Variants in FRY observed in about 807,000 individuals in gnomAD.
FRY encodes protein furry homolog.
In FRY, 128 loss-of-function variants were observed where a neutral mutation model predicts 348.4. The observed-to-expected ratio is 0.37, with a 90% CI of 0.32 to 0.43. FRY has a LOEUF of 0.43. FRY is among the 20% of genes least tolerant of loss of function. The probability of loss-of-function intolerance (pLI) is 1.00; values close to 1 mark genes in which losing one functional copy is unlikely to be tolerated. For missense variants in FRY, 2,736 were observed against 3,695.2 expected, an observed-to-expected ratio of 0.74 and a Z score of 6.73; for synonymous variants, 1,370 against 1,374.7, an observed-to-expected ratio of 1.00 and a Z score of 0.08.
chr13:32,102,328 C>T (rs565480589), intron 3 of FRY, among the ~76,000 whole-genome samples: 5 of 152,266 alleles, frequency 3.3e-5, no homozygotes, highest in South Asian at 4.1e-4. Flanking sequence ...AAATTCCATT[C>T]GTTTAAAAAC....
chr13:32,185,438 A>G (rs1418447000), intron 26 of FRY, among the ~76,000 whole-genome samples: 1 of 152,220 alleles, frequency 6.6e-6, no homozygotes, highest in East Asian at 1.9e-4. Flanking sequence ...GGAAGGAAGT[A>G]ATTCAGAAGG....
At chr13:32,112,705 T>C (rs992481333) in intron 3 of FRY, among the ~76,000 whole-genome samples, 1 of 152,256 alleles carries the variant, frequency 6.6e-6, no homozygotes, top group African/African-American at 2.4e-5. Flanking sequence ...TTTTGTGTAC[T>C]TGTGTACTTA....
intron 28 of FRY, among the ~76,000 whole-genome samples, chr13:32,191,677 T>C (rs1012947369): frequency 1.3e-5 from 2 of 152,194 alleles, no homozygotes; most frequent in Non-Finnish European, 2.9e-5. Flanking sequence ...CAGATTTATG[T>C]CTGGTGAGGG....
chr13:32,200,552 A>G (rs1382928279), intron 29 of FRY, among the ~76,000 whole-genome samples: 1 of 152,168 alleles, frequency 6.6e-6, no homozygotes, highest in Non-Finnish European at 1.5e-5. Flanking sequence ...ATGCCACTGC[A>G]CTCCAGCCTG....
At chr13:32,198,519 G>A (rs1197391394) in intron 29 of FRY, among the ~76,000 whole-genome samples, 1 of 152,206 alleles carries the variant, frequency 6.6e-6, no homozygotes, top group East Asian at 1.9e-4. Context: ...GTAGGTAAGA[G>A]CTTGAATTCT....
At chr13:32,175,722 G>A (rs1293290426) in intron 20 of FRY, 90 bp downstream of exon 20, 1 of 802,762 alleles carries the variant, frequency 1.2e-6, no homozygotes, top group Non-Finnish European at 2.2e-6. Flanking sequence ...AATAATTTGG[G>A]TGTTTATGTC....
chr13:32,043,639 T>G (rs1014977193), intron 1 of FRY, among the ~76,000 whole-genome samples: 1 of 152,128 alleles, frequency 6.6e-6, no homozygotes, highest in Non-Finnish European at 1.5e-5. Flanking sequence ...TTGATGAACC[T>G]CTAGTGGGAG....
chr13:32,240,318 A>G (rs1056009344), intron 46 of FRY, among the ~76,000 whole-genome samples: 1 of 152,202 alleles, frequency 6.6e-6, no homozygotes, highest in Non-Finnish European at 1.5e-5. Context: ...CCTTCTGTTT[A>G]TTATGGTAAC....
intron 1 of FRY, among the ~76,000 whole-genome samples, chr13:32,035,281 G>A (rs1872453126): frequency 6.6e-6 from 1 of 151,974 alleles, no homozygotes; most frequent in Admixed American, 6.5e-5. Context: ...AAAATTAGTT[G>A]GTTATTTTGG....
rs2072072578 is a variant in FRY at position 32,296,975 on chromosome 13, A to G, written c.*1515A>G. ...AAGTTAATTCTATAGTGAGCAGGAA[A>G]AAGTAGTAGAGTTGTAATTCTGTCA... On this transcript the variant is annotated 3_prime_UTR_variant, in exon 61 of 61. Transcript: ENST00000542859. 6.6e-6 allele frequency: 1 copy of G among 152,266 alleles called. No homozygotes were observed. The highest frequency in any genetic ancestry group is 2.1e-4 in the South Asian group (1 of 4,832). 9.4% of individuals were successfully genotyped at this position (152,266 alleles called of 1,614,324 possible). A position where few individuals can be genotyped will look rare whatever the true frequency, so the allele number is the denominator to read the frequency against.
intron 27 of FRY, among the ~76,000 whole-genome samples, 157 bp from the exon 28 acceptor site, chr13:32,187,389 A>C (rs952485199): frequency 6.6e-6 from 1 of 152,208 alleles, no homozygotes; most frequent in Non-Finnish European, 1.5e-5. Context: ...TTTTTATTAA[A>C]GCTACTAAAG....
chr13:32,161,748 G>C (rs1881455633), intron 17 of FRY, among the ~76,000 whole-genome samples: 1 of 152,200 alleles, frequency 6.6e-6, no homozygotes, highest in Non-Finnish European at 1.5e-5. Flanking sequence ...ATGGGGACAA[G>C]AATGCAGGTC....
At chr13:32,234,044 G>C (rs1397364657) in intron 41 of FRY, among the ~76,000 whole-genome samples, 2 of 148,734 alleles carry the variant, frequency 1.3e-5, no homozygotes, top group Non-Finnish European at 3.0e-5. Flanking sequence ...CAGCAACTCA[G>C]TAGGCTGAGG....
chr13:32,268,505 A>AAAATATAT (rs1555273232), intron 55 of FRY, among the ~76,000 whole-genome samples: 40 of 28,226 alleles, frequency 1.4e-3, no homozygotes, highest in Non-Finnish European at 2.5e-3. Context: ...AAAAAAAAAA[A>AAAATATAT]ATATATATAT....
intron 51 of FRY, 132 bp from the exon 52 acceptor site, chr13:32,261,484 A>G (rs368619308): frequency 3.1e-5 from 26 of 844,298 alleles, no homozygotes; most frequent in South Asian, 1.5e-4. Flanking sequence ...AAAAGTTTTG[A>G]TACCAAAGTC....
At chr13:32,057,220 G>C (rs546580504) in intron 1 of FRY, among the ~76,000 whole-genome samples, 1 of 151,676 alleles carries the variant, frequency 6.6e-6, no homozygotes, top group Non-Finnish European at 1.5e-5. Context: ...ACCCAGGCTA[G>C]AGTGCAGTGG....
At chr13:32,159,395 T>G (rs1399887793) in intron 16 of FRY, among the ~76,000 whole-genome samples, 8 of 152,176 alleles carry the variant, frequency 5.3e-5, no homozygotes, top group Non-Finnish European at 1.0e-4. Flanking sequence ...GGTAAGAACT[T>G]GAACATTGAA....
At chr13:32,156,613 A>G (rs1881135361) in intron 15 of FRY, among the ~76,000 whole-genome samples, 1 of 151,992 alleles carries the variant, frequency 6.6e-6, no homozygotes, top group East Asian at 1.9e-4. Flanking sequence ...AAAAAAAAAA[A>G]AAAAAAAACA....
chr13:32,188,341 T>C (rs1172718708), intron 28 of FRY, among the ~76,000 whole-genome samples: 1 of 152,080 alleles, frequency 6.6e-6, no homozygotes, highest in Non-Finnish European at 1.5e-5. Context: ...AGAAAATTCG[T>C]GACTTTTAGA....
Sources: gnomAD v4.1 joint callset for allele counts (sites outside exome capture counted in the v4.1 genomes callset) on GRCh38, gnomAD v4.1.1 for gene constraint, MANE v1.5 for transcripts, NCBI Gene and HGNC (gene_info 2026-07-23, HGNC 2026-07-21) for gene names.